DLGAP5: variants seen among roughly 807,000 people sequenced by gnomAD.
DLGAP5 encodes the protein DLG associated protein 5.
A neutral mutation model predicts 99.6 loss-of-function variants in DLGAP5; 90 were observed. That is an observed-to-expected ratio of 0.90 (90% CI 0.76 to 1.08). DLGAP5 has a LOEUF of 1.08. DLGAP5 is among the 50% of genes least tolerant of loss of function. The pLI, the probability that DLGAP5 is intolerant of heterozygous loss-of-function variation, is 0.00. For synonymous variants in DLGAP5, 311 were observed against 321.3 expected, an observed-to-expected ratio of 0.97 and a Z score of 0.34; for missense variants, 1,036 against 983.5, an observed-to-expected ratio of 1.05 and a Z score of -0.71.
chr14:55,158,841 A>G, intron 13 of DLGAP5, 100 bp from the exon 14 acceptor site: 1 of 764,824 alleles, frequency 1.3e-6, no homozygotes, highest in Non-Finnish European at 2.1e-6. Context: ...AATTTTTAAA[A>G]ATAAAGTATA....
At chr14:55,163,109 C>T (rs763350762) in intron 12 of DLGAP5, 34 bp from the exon 13 acceptor site, 4 of 1,346,198 alleles carry the variant, frequency 3.0e-6, no homozygotes, top group African/African-American at 1.5e-5. Context: ...CAGATTAATG[C>T]TAGCCATATT....
chr14:55,174,635 A>C (rs925249470), intron 10 of DLGAP5, among the ~76,000 whole-genome samples: 5 of 152,132 alleles, frequency 3.3e-5, no homozygotes, highest in African/African-American at 7.2e-5. Flanking sequence ...TGCTTAAGGA[A>C]AACAGAAAAG....
Position 55,181,215 on chromosome 14 carries a change from T to G in DLGAP5, c.578A>C (p.Lys193Thr). The part of the protein sequence containing the change: ...SEKKVSDKEK[K>T]VVQPVMPTSL... ...ATAGTAATTGCTAATATTCCTACCT[T>G]TTTTCTCTTTGTCTGACACTTTCTT... Residue 193 changes from lysine to threonine, a missense_variant and splice_region_variant, in exon 5 of 19, where the codon AAA becomes ACA. Transcript: ENST00000247191. 1 of 1,613,656 alleles carries G rather than the reference T, an allele frequency of 6.2e-7. No homozygotes were observed. The highest frequency in any genetic ancestry group is 8.5e-7 in the Non-Finnish European group (1 of 1,179,838).
rs1255968791 is a variant in DLGAP5, at chr14:55,180,690, G to A, written c.669C>T (p.Thr223=). The change falls in exon 6 of 19, where the codon ACC becomes ACT. Residue 223 remains threonine (T), a synonymous_variant. Coordinates refer to ENST00000247191, the MANE Select transcript of DLGAP5 (RefSeq NM_014750.5). ...CTCTTGTGACTGGCTTTCTTGCTGT[G>A]GTAGATGAGACTGTTCTGGGAACCT... ...AKQVPRTVSS[T]TARKPVTRAA... is the part of the protein sequence containing the mutation. 5 of 1,614,024 alleles carry A rather than the reference G, an allele frequency of 3.1e-6. No individual in the cohort carries two copies. The African/African-American group carries it at 6.7e-5, about 22-fold the overall frequency.
chr14:55,185,530 A>C (rs1024882147), intron 2 of DLGAP5, among the ~76,000 whole-genome samples: 1 of 150,428 alleles, frequency 6.6e-6, no homozygotes, highest in African/African-American at 2.5e-5. Flanking sequence ...TCTGTCGCCC[A>C]GGTTGGAGTG....
chr14:55,157,756 T>A (rs961771285), intron 14 of DLGAP5, among the ~76,000 whole-genome samples: 3 of 152,258 alleles, frequency 2.0e-5, no homozygotes, highest in African/African-American at 7.2e-5. Context: ...AAATCCACTT[T>A]GCATAAACTT....
At chr14:55,152,009 G>C in intron 16 of DLGAP5, 68 bp from the exon 17 acceptor site, 3 of 1,488,178 alleles carry the variant, frequency 2.0e-6, no homozygotes, top group Non-Finnish European at 2.7e-6. Context: ...TAAAAGTCTT[G>C]TTGCTATTAA....
Position 55,177,145 on chromosome 14 carries a change from G to A in DLGAP5, c.966C>T (p.Thr322=). 1 of 1,601,384 alleles carries A rather than the reference G, an allele frequency of 6.2e-7. No individual in the cohort carries two copies. The highest frequency in any genetic ancestry group is 8.5e-7 in the Non-Finnish European group (1 of 1,175,660). Reference sequence around the variant, plus strand: ...TGGGAGTCATAGGTGTTACTTGATAGGTCTTCAGACCATCCAGTGGCTGAA... The same window carrying A: ...TGGGAGTCATAGGTGTTACTTGATAAGTCTTCAGACCATCCAGTGGCTGAA... ...FMFQPLDGLK[T]YQVTPMTPRS... Residue 322 remains threonine, a synonymous_variant, in exon 8 of 19, where the codon ACC becomes ACT. Coordinates refer to ENST00000247191, the MANE Select transcript of DLGAP5 (RefSeq NM_014750.5).
chr14:55,155,491 C>A (rs547453212), intron 14 of DLGAP5, among the ~76,000 whole-genome samples: 2 of 144,014 alleles, frequency 1.4e-5, no homozygotes, highest in African/African-American at 2.6e-5. Context: ...GGATTACAGG[C>A]ACCCGCCACC....
intron 12 of DLGAP5, among the ~76,000 whole-genome samples, chr14:55,166,331 A>C (rs1882639915): frequency 6.6e-6 from 1 of 152,222 alleles, no homozygotes; most frequent in Admixed American, 6.5e-5. Flanking sequence ...ATATCCCAAA[A>C]AAAGGCAAAT....
At position 55,177,680 on chromosome 14, in the gene DLGAP5, G is replaced by T. The variant is rs563169045; in HGVS notation, c.775-344C>A. On this transcript the variant is annotated intron_variant, in intron 7 of 18. Coordinates refer to ENST00000247191, the MANE Select transcript of DLGAP5 (RefSeq NM_014750.5). ...AGCCTCCCAAGTAGCTGGGACTACAGACGCCCGCCACCACGCCCGGCTAAT... is the reference window on the plus strand; with the variant it reads ...AGCCTCCCAAGTAGCTGGGACTACATACGCCCGCCACCACGCCCGGCTAAT... 7.2e-5 allele frequency among the ~76,000 whole-genome samples: 11 copies of T among 151,858 alleles called. No individual in the cohort carries two copies. The East Asian group carries it at 2.0e-3, about 27-fold the overall frequency.
At position 55,155,509 on chromosome 14, in the gene DLGAP5, G is replaced by C. The variant is rs1882183802; in HGVS notation, c.1874-703C>G. On this transcript the variant is annotated intron_variant, in intron 14 of 18. Transcript: ENST00000247191. ...TTACAGGCACCCGCCACCACGCCTG[G>C]CTAATTTTTTGTATTTTTAGTAGAG... 4.7e-5 allele frequency among the ~76,000 whole-genome samples: 7 copies of C among 147,592 alleles called. No individual in the cohort carries two copies. The Admixed American group carries it at 4.8e-4, about 10-fold the overall frequency.
At chr14:55,151,395 A>G (rs1397139331) in intron 17 of DLGAP5, among the ~76,000 whole-genome samples, 1 of 152,308 alleles carries the variant, frequency 6.6e-6, no homozygotes, top group East Asian at 1.9e-4. Context: ...TCTACTAAAA[A>G]TAAAAAAATT....
intron 2 of DLGAP5, among the ~76,000 whole-genome samples, chr14:55,184,531 C>A (rs1054782040): frequency 6.6e-6 from 1 of 152,186 alleles, no homozygotes; most frequent in Non-Finnish European, 1.5e-5. Flanking sequence ...CCTGTGTCAT[C>A]CCCTCACACT....
intron 13 of DLGAP5, 93 bp downstream of exon 13, chr14:55,162,878 G>T: frequency 1.9e-6 from 1 of 525,568 alleles, no homozygotes; most frequent in Non-Finnish European, 3.1e-6. Context: ...TTAAAAACAA[G>T]AAGTAGAAGA....
At chr14:55,175,863 A>G in intron 9 of DLGAP5, 31 bp downstream of exon 9, 1 of 1,502,748 alleles carries the variant, frequency 6.7e-7, no homozygotes, top group Non-Finnish European at 8.9e-7. Context: ...ACATTATTCT[A>G]AAAAATGAAT....
At chr14:55,181,447 TAAAGA>T (rs1470959052) in intron 4 of DLGAP5, 150 bp from the exon 5 acceptor site, 2 of 615,058 alleles carry the variant, frequency 3.3e-6, no homozygotes, top group Non-Finnish European at 5.5e-6. Context: ...TAAAATGAGA[TAAAGA>T]AAAGCTTTCC....
intron 4 of DLGAP5, 95 bp downstream of exon 4, chr14:55,182,275 T>C: frequency 9.5e-7 from 1 of 1,055,922 alleles, no homozygotes; most frequent in Non-Finnish European, 1.4e-6. Flanking sequence ...AAATTAATCA[T>C]TATGTTTGAA....
intron 8 of DLGAP5, 86 bp downstream of exon 8, chr14:55,176,976 G>GGA (rs1555329323): frequency 4.0e-4 from 102 of 253,522 alleles, no homozygotes; most frequent in South Asian, 3.5e-3. Flanking sequence ...AACTCCGTCT[G>GGA]AAAAAAAAAA....
Sources: allele counts gnomAD v4.1 joint callset (sites outside exome capture counted in the v4.1 genomes callset), GRCh38; gene constraint gnomAD v4.1.1; transcripts MANE v1.5; gene names NCBI Gene and HGNC (gene_info 2026-07-23, HGNC 2026-07-21).